The following KCNIP4 variants were observed in gnomAD, a reference collection of about 807,000 sequenced individuals.
KCNIP4 encodes the protein Kv channel-interacting protein 4.
Under a neutral mutation model 34.0 loss-of-function variants are expected in KCNIP4, and 12 were observed. That is an observed-to-expected ratio of 0.35 (90% CI 0.23 to 0.57). The LOEUF is 0.57. KCNIP4 is among the 20% of genes least tolerant of loss of function. The probability of loss-of-function intolerance (pLI) is 0.83; values close to 1 mark genes in which losing one functional copy is unlikely to be tolerated. For synonymous variants in KCNIP4, 124 were observed against 102.2 expected (o/e 1.21, Z -1.29); for missense variants, 238 against 311.7 (o/e 0.76, Z 1.78).
At chr4:21,147,383 TC>T (rs1365819612) in intron 1 of KCNIP4, among the ~76,000 whole-genome samples, 3 of 152,116 alleles carry the variant, frequency 2.0e-5, no homozygotes, top group African/African-American at 7.2e-5. Context: ...TGTAAATAGT[TC>T]CTTTATTAAA....
At chr4:21,364,619 C>A (rs545977920) in intron 1 of KCNIP4, among the ~76,000 whole-genome samples, 1 of 151,050 alleles carries the variant, frequency 6.6e-6, no homozygotes, top group African/African-American at 2.4e-5. Context: ...TTTAATGATA[C>A]GAATTGATGA....
intron 1 of KCNIP4, among the ~76,000 whole-genome samples, chr4:21,888,006 ATG>A (rs59965241): frequency 0.038 from 5,735 of 152,174 alleles, 337 homozygotes; most frequent in African/African-American, 0.13. Context: ...AACACTTACT[ATG>A]TGCCAGGTAT....
At chr4:21,351,926 A>G (rs1464326435) in intron 1 of KCNIP4, among the ~76,000 whole-genome samples, 2 of 152,204 alleles carry the variant, frequency 1.3e-5, no homozygotes, top group African/African-American at 2.4e-5. Context: ...GCAAACTAGC[A>G]TACTAATGAT....
intron 2 of KCNIP4, among the ~76,000 whole-genome samples, chr4:20,853,884 A>G (rs892303696): frequency 2.0e-5 from 3 of 152,242 alleles, no homozygotes; most frequent in African/African-American, 7.2e-5. Context: ...GCTAACACAC[A>G]TGAAAAAATG....
intron 1 of KCNIP4, among the ~76,000 whole-genome samples, chr4:21,801,552 C>G (rs1339023751): frequency 1.3e-5 from 2 of 152,034 alleles, no homozygotes; most frequent in Non-Finnish European, 2.9e-5. Context: ...GCCCAGAACA[C>G]TGCTTGGAAA....
At chr4:21,033,409 G>C (rs992403489) in intron 1 of KCNIP4, among the ~76,000 whole-genome samples, 5 of 152,204 alleles carry the variant, frequency 3.3e-5, no homozygotes, top group Admixed American at 6.5e-5. Context: ...CAAAAGTCAA[G>C]CAGGGCTATG....
chr4:20,733,717 CAAG>C (rs1451131935), intron 6 of KCNIP4, among the ~76,000 whole-genome samples: 2 of 152,232 alleles, frequency 1.3e-5, no homozygotes, highest in African/African-American at 4.8e-5. Context: ...TAAAAATATA[CAAG>C]AAGCACTATT....
intron 1 of KCNIP4, among the ~76,000 whole-genome samples, chr4:21,695,833 C>T (rs963004908): frequency 6.6e-6 from 1 of 152,110 alleles, no homozygotes; most frequent in African/African-American, 2.4e-5. Context: ...TCTCTAATTT[C>T]ATAGCAAGGT....
intron 1 of KCNIP4, among the ~76,000 whole-genome samples, chr4:20,909,469 T>C (rs904989941): frequency 2.6e-5 from 4 of 152,138 alleles, no homozygotes; most frequent in Non-Finnish European, 4.4e-5. Context: ...TCGACTGCAT[T>C]GCTTATGTAA....
chr4:21,355,100 C>A (rs142377189), intron 1 of KCNIP4, among the ~76,000 whole-genome samples: 7,527 of 152,030 alleles, frequency 0.05, 273 homozygotes, highest in South Asian at 0.089. Context: ...TCTTTGAAAC[C>A]AATGAGAACA....
intron 1 of KCNIP4, among the ~76,000 whole-genome samples, chr4:21,495,683 C>T (rs1461941061): frequency 6.6e-6 from 1 of 151,970 alleles, no homozygotes; most frequent in Non-Finnish European, 1.5e-5. Context: ...TTATTATCCA[C>T]GAGTTCCAGT....
chr4:20,805,004 C>T (rs1714877009), intron 3 of KCNIP4, among the ~76,000 whole-genome samples: 2 of 152,028 alleles, frequency 1.3e-5, no homozygotes, highest in South Asian at 4.2e-4. Flanking sequence ...CAAAATTTCC[C>T]AAGAAGGGTT....
At chr4:21,510,391 A>G (rs1361835836) in intron 1 of KCNIP4, among the ~76,000 whole-genome samples, 1 of 152,198 alleles carries the variant, frequency 6.6e-6, no homozygotes, top group Non-Finnish European at 1.5e-5. Context: ...GGGTGGGGGA[A>G]GAAAAGTCAA....
At chr4:21,197,421 T>C (rs1312005552) in intron 1 of KCNIP4, among the ~76,000 whole-genome samples, 1 of 152,176 alleles carries the variant, frequency 6.6e-6, no homozygotes, top group Non-Finnish European at 1.5e-5. Flanking sequence ...ATACAGCACG[T>C]TGGATTGCTT....
chr4:21,706,740 T>C (rs761695349), intron 1 of KCNIP4, among the ~76,000 whole-genome samples: 5 of 152,160 alleles, frequency 3.3e-5, no homozygotes, highest in East Asian at 1.9e-4. Flanking sequence ...TCTCAAAACA[T>C]CGTGGTGTGT....
At chr4:20,767,768 A>C (rs1755538078) in intron 3 of KCNIP4, among the ~76,000 whole-genome samples, 1 of 152,224 alleles carries the variant, frequency 6.6e-6, no homozygotes. Flanking sequence ...AATTGTTATT[A>C]AACATTTAGA....
In KCNIP4 at chr4:21,742,262, T is replaced by C. The variant is rs187053330; in HGVS notation, c.61+206309A>G. Among the ~76,000 whole-genome samples the C allele has an allele frequency of 2.7e-3, 417 of 152,268 alleles. 2 individuals carry two copies. The highest frequency in any genetic ancestry group is 9.5e-3 in the African/African-American group (393 of 41,560). On this transcript the variant is annotated intron_variant, in intron 1 of 8. Transcript: ENST00000382152. Reference sequence around the variant, plus strand: ...ATAGAGAGAGGGTCCCCAAAACTAATAGGATCCCTTACTGAGAAAGTCTCC... The same window carrying C: ...ATAGAGAGAGGGTCCCCAAAACTAACAGGATCCCTTACTGAGAAAGTCTCC...
At chr4:21,581,511 TC>T (rs1741196546) in intron 1 of KCNIP4, among the ~76,000 whole-genome samples, 1 of 152,018 alleles carries the variant, frequency 6.6e-6, no homozygotes, top group African/African-American at 2.4e-5. Flanking sequence ...ACTTTGCCAG[TC>T]TCAAGTCTCT....
chr4:20,949,386 C>T (rs1427739788), intron 1 of KCNIP4, among the ~76,000 whole-genome samples: 1 of 152,190 alleles, frequency 6.6e-6, no homozygotes, highest in Non-Finnish European at 1.5e-5. Flanking sequence ...CTACAAGCTA[C>T]ATTAATTGGA....
Sources: allele counts gnomAD v4.1 joint callset (sites outside exome capture counted in the v4.1 genomes callset), GRCh38; gene constraint gnomAD v4.1.1; transcripts MANE v1.5; gene names NCBI Gene and HGNC (gene_info 2026-07-23, HGNC 2026-07-21).